Variants in PLXDC2 observed in about 807,000 individuals in gnomAD.
The protein encoded by PLXDC2 is plexin domain containing 2, also known as plexin domain-containing protein 2.
PLXDC2 carries 40 observed loss-of-function variants against 68.9 expected under a neutral mutation model. That is an observed-to-expected ratio of 0.58 (90% confidence interval 0.45 to 0.76). PLXDC2 has a LOEUF of 0.76. Among genes scored for constraint, PLXDC2 ranks in the 30% least tolerant of loss-of-function variants. The pLI is 0.00. For missense variants in PLXDC2, 644 were observed against 661.9 expected (o/e 0.97, Z 0.30); for synonymous variants, 243 against 234.2 (o/e 1.04, Z -0.34).
At chr10:20,002,245 T>C (rs537099186) in intron 2 of PLXDC2, among the ~76,000 whole-genome samples, 7 of 151,270 alleles carry the variant, frequency 4.6e-5, no homozygotes, top group African/African-American at 1.7e-4. Flanking sequence ...TCTCAAGGAA[T>C]TCATTGTGTA....
intron 1 of PLXDC2, among the ~76,000 whole-genome samples, chr10:19,834,795 T>A (rs746565019): frequency 6.6e-6 from 1 of 152,212 alleles, no homozygotes; most frequent in Non-Finnish European, 1.5e-5. Context: ...AGCATTGTGA[T>A]GTGAAGGGAT....
chr10:20,258,863 C>T (rs1332473096), intron 13 of PLXDC2, among the ~76,000 whole-genome samples: 2 of 151,952 alleles, frequency 1.3e-5, no homozygotes, highest in African/African-American at 2.4e-5. Context: ...AAAAAATTAG[C>T]CGGGCGTGGT....
chr10:19,884,063 T>G (rs1225906357), intron 1 of PLXDC2, among the ~76,000 whole-genome samples: 1 of 146,858 alleles, frequency 6.8e-6, no homozygotes, highest in Non-Finnish European at 1.5e-5. Flanking sequence ...GGCTAATTTT[T>G]GTATTTTTTT....
chr10:19,935,238 C>G (rs1243172307), intron 1 of PLXDC2, among the ~76,000 whole-genome samples: 2 of 152,190 alleles, frequency 1.3e-5, no homozygotes, highest in African/African-American at 4.8e-5. Flanking sequence ...TCAGATGCTC[C>G]ACCATCAGCC....
intron 9 of PLXDC2, among the ~76,000 whole-genome samples, chr10:20,181,974 T>C (rs1834610556): frequency 6.6e-6 from 1 of 151,688 alleles, no homozygotes. Context: ...TGTGCAATAG[T>C]GCACAGGAGG....
At chr10:19,889,614 CT>C in intron 1 of PLXDC2, among the ~76,000 whole-genome samples, 1 of 152,238 alleles carries the variant, frequency 6.6e-6, no homozygotes, top group African/African-American at 2.4e-5. Context: ...TATCTGTGGC[CT>C]TTCCAACATG....
intron 13 of PLXDC2, among the ~76,000 whole-genome samples, chr10:20,263,348 A>G (rs1835832690): frequency 6.6e-6 from 1 of 152,216 alleles, no homozygotes. Flanking sequence ...ACCATACACA[A>G]AAATCTACTC....
At chr10:19,969,573 T>A (rs750106782) in intron 1 of PLXDC2, among the ~76,000 whole-genome samples, 4 of 152,136 alleles carry the variant, frequency 2.6e-5, no homozygotes, top group Non-Finnish European at 5.9e-5. Flanking sequence ...TGATGGAAAG[T>A]GAGAATTTAG....
At chr10:20,181,795 A>C (rs540384811) in intron 9 of PLXDC2, among the ~76,000 whole-genome samples, 1 of 152,170 alleles carries the variant, frequency 6.6e-6, no homozygotes, top group South Asian at 2.1e-4. Context: ...TCCTCAGAAT[A>C]ATGGAAAGCA....
At chr10:19,946,237 T>C (rs1833898316) in intron 1 of PLXDC2, among the ~76,000 whole-genome samples, 1 of 152,184 alleles carries the variant, frequency 6.6e-6, no homozygotes, top group Non-Finnish European at 1.5e-5. Flanking sequence ...TTCGAAAATG[T>C]AGATTTAATA....
At chr10:20,001,092 G>A (rs1326246) in intron 1 of PLXDC2, among the ~76,000 whole-genome samples, 44,344 of 152,008 alleles carry the variant, frequency 0.29, 7,710 homozygotes, top group Non-Finnish European at 0.4. Context: ...ATCCATTTCT[G>A]TAAGTGCCCA....
intron 2 of PLXDC2, among the ~76,000 whole-genome samples, chr10:20,037,347 C>CT (rs566594301): frequency 0.1 from 14,680 of 146,148 alleles, 1,523 homozygotes; most frequent in African/African-American, 0.27. Context: ...CTGGCATCTT[C>CT]TTTTTTTTTT....
At chr10:19,900,448 A>G (rs537240169) in intron 1 of PLXDC2, among the ~76,000 whole-genome samples, 1 of 152,152 alleles carries the variant, frequency 6.6e-6, no homozygotes, top group African/African-American at 2.4e-5. Flanking sequence ...TTTAAAAGGA[A>G]CAAAATTTTT....
At chr10:20,148,889 G>A (rs1834113626) in intron 6 of PLXDC2, among the ~76,000 whole-genome samples, 1 of 152,136 alleles carries the variant, frequency 6.6e-6, no homozygotes, top group Admixed American at 6.5e-5. Context: ...TCCATAAAGT[G>A]CGGCATAATT....
chr10:20,135,659 G>T (rs1833924186), intron 4 of PLXDC2, among the ~76,000 whole-genome samples: 2 of 152,086 alleles, frequency 1.3e-5, no homozygotes, highest in Admixed American at 6.5e-5. Flanking sequence ...GCTGTGGAGA[G>T]CCTCTGTATA....
rs150856866 is a variant in PLXDC2 at position 20,068,196 on chromosome 10, A to G, written c.498A>G (p.Pro166=). 760 of 1,613,148 alleles carry G rather than the reference A, an allele frequency of 4.7e-4. 1 individual carries two copies. Among genetic ancestry groups the G allele is most frequent in the Non-Finnish European group, 6.2e-4 (732 of 1,179,610 alleles). Residue 166 remains proline, a synonymous_variant, in exon 4 of 14, where the codon CCA becomes CCG. Transcript: ENST00000377252. The part of the protein sequence containing the change: ...AARVNLSFDF[P]FYGHFLREIT... ...GAGTGAATCTGTCCTTCGATTTTCC[A>G]TTTTATGGCCACTTCCTACGTGAAA...
At position 20,286,326 on chromosome 10, in the gene PLXDC2, A is replaced by G. The variant is rs1836152342; in HGVS notation, c.*6507A>G. On this transcript the variant is annotated 3_prime_UTR_variant, in exon 14 of 14. Coordinates refer to ENST00000377252, the MANE Select transcript of PLXDC2 (RefSeq NM_032812.9). Reference sequence around the variant, plus strand: ...TTTTCCTAGTTTCTAAGGCTTATTAACATTTGCAAATTACTCAATAAATGT... The same window carrying G: ...TTTTCCTAGTTTCTAAGGCTTATTAGCATTTGCAAATTACTCAATAAATGT... 6.6e-6 allele frequency: 1 copy of G among 152,212 alleles called. No individual in the cohort carries two copies. The highest frequency in any genetic ancestry group is 1.5e-5 in the Non-Finnish European group (1 of 68,040). The allele number at this position is 152,212 out of a possible 1,614,324, so 9.4% of individuals were successfully genotyped here.
At chr10:20,232,740 A>G (rs1588533247) in intron 12 of PLXDC2, among the ~76,000 whole-genome samples, 1 of 152,144 alleles carries the variant, frequency 6.6e-6, no homozygotes, top group African/African-American at 2.4e-5. Flanking sequence ...GGCTGTTAGG[A>G]TGACTGTAGG....
intron 2 of PLXDC2, among the ~76,000 whole-genome samples, chr10:20,027,705 AC>A (rs71388892): frequency 7.9e-5 from 12 of 151,504 alleles, no homozygotes; most frequent in East Asian, 3.9e-4. Flanking sequence ...AAAAAAAAAA[AC>A]CCCATAAAAT....
Sources: allele counts gnomAD v4.1 joint callset (sites outside exome capture counted in the v4.1 genomes callset), GRCh38; gene constraint gnomAD v4.1.1; transcripts MANE v1.5; gene names NCBI Gene and HGNC (gene_info 2026-07-23, HGNC 2026-07-21).